Variants in NAA35 observed in about 807,000 individuals in gnomAD.
The protein encoded by NAA35 is MAK10 homolog, amino-acid N-acetyltransferase subunit.
Under a neutral mutation model 101.7 loss-of-function variants are expected in NAA35, and 18 were observed. That is an observed-to-expected ratio of 0.18 (90% CI 0.12 to 0.26). NAA35 has a LOEUF of 0.26. Among genes scored for constraint, NAA35 ranks in the 10% least tolerant of loss-of-function variants. The pLI, the probability that NAA35 is intolerant of heterozygous loss-of-function variation, is 1.00. For synonymous variants in NAA35, 267 were observed against 273.1 expected, an observed-to-expected ratio of 0.98 and a Z score of 0.22; for missense variants, 601 against 886.8, an observed-to-expected ratio of 0.68 and a Z score of 4.09.
At chr9:85,987,131 A>G (rs1830683624) in intron 11 of NAA35, 1 of 152,246 alleles carries the variant, frequency 6.6e-6, no homozygotes, top group African/African-American at 2.4e-5. Flanking sequence ...AGAGATAACT[A>G]AGAGGAAATG....
chr9:86,021,785 T>C, intron 22 of NAA35, 116 bp from the exon 23 acceptor site: 1 of 828,356 alleles, frequency 1.2e-6, no homozygotes, highest in South Asian at 1.7e-5. Flanking sequence ...TAAAATCTAT[T>C]TTGTGCTGCC....
chr9:85,943,310 A>G (rs547928332), intron 2 of NAA35, among the ~76,000 whole-genome samples: 18 of 152,320 alleles, frequency 1.2e-4, no homozygotes, highest in Admixed American at 3.3e-4. Context: ...ACACTGAGAC[A>G]GGAAGGACTG....
intron 2 of NAA35, among the ~76,000 whole-genome samples, chr9:85,942,510 G>T (rs1254758226): frequency 6.6e-6 from 1 of 152,134 alleles, no homozygotes; most frequent in Non-Finnish European, 1.5e-5. Flanking sequence ...AATTTTTCTT[G>T]CTTTAACAGG....
intron 6 of NAA35, among the ~76,000 whole-genome samples, chr9:85,972,036 T>TAA (rs1830020301): frequency 6.6e-6 from 1 of 152,192 alleles, no homozygotes; most frequent in Non-Finnish European, 1.5e-5. Flanking sequence ...ACTCTCTTGT[T>TAA]CTCACTTATC....
chr9:85,954,456 T>C (rs1007547632), intron 2 of NAA35, among the ~76,000 whole-genome samples: 1 of 152,226 alleles, frequency 6.6e-6, no homozygotes, highest in African/African-American at 2.4e-5. Flanking sequence ...CTACCAGCAG[T>C]GCACAAGGGT....
At chr9:85,961,050 CAGAG>C (rs929956860) in intron 5 of NAA35, among the ~76,000 whole-genome samples, 1 of 152,076 alleles carries the variant, frequency 6.6e-6, no homozygotes, top group African/African-American at 2.4e-5. Flanking sequence ...AAAGGATAAA[CAGAG>C]GGAGGATTTT....
At chr9:85,964,025 G>T (rs927230381) in intron 6 of NAA35, among the ~76,000 whole-genome samples, 12 of 151,714 alleles carry the variant, frequency 7.9e-5, no homozygotes, top group Non-Finnish European at 1.5e-4. Context: ...GCAAAGATTA[G>T]AAATTTTTTA....
At chr9:85,968,888 C>G (rs59806081) in intron 6 of NAA35, among the ~76,000 whole-genome samples, 12,721 of 152,178 alleles carry the variant, frequency 0.084, 1,767 homozygotes, top group African/African-American at 0.29. Flanking sequence ...TATTTCCCTT[C>G]TCATACAAAA....
intron 11 of NAA35, among the ~76,000 whole-genome samples, chr9:85,990,089 C>G (rs757842569): frequency 2.6e-5 from 4 of 152,204 alleles, no homozygotes; most frequent in Non-Finnish European, 4.4e-5. Context: ...TTTCAAGATT[C>G]ATGGTGCATG....
At chr9:85,992,188 A>T (rs1369759944) in intron 11 of NAA35, among the ~76,000 whole-genome samples, 1 of 142,304 alleles carries the variant, frequency 7.0e-6, no homozygotes, top group African/African-American at 2.5e-5. Context: ...AAAAAAAAAT[A>T]ATAAAAAATA....
intron 12 of NAA35, among the ~76,000 whole-genome samples, chr9:86,002,010 T>G (rs149951995): frequency 1.2e-4 from 19 of 152,292 alleles, no homozygotes; most frequent in Middle Eastern, 3.4e-3. Flanking sequence ...TAGTAGTCTT[T>G]CCTTTCTATA....
chr9:85,999,359 G>A (rs140845535), intron 12 of NAA35, among the ~76,000 whole-genome samples: 1 of 152,254 alleles, frequency 6.6e-6, no homozygotes, highest in African/African-American at 2.4e-5. Flanking sequence ...TAATTGCAAG[G>A]TCTTTAAGTA....
Position 85,978,254 on chromosome 9 carries a change from A to G in NAA35, c.763-13A>G. The G allele has an allele frequency of 4.6e-6, 7 of 1,512,182 alleles. No homozygotes were observed. The Middle Eastern group carries it at 5.1e-4, about 110-fold the overall frequency. The allele number at this position is 1,512,182 out of a possible 1,614,324, so 93.7% of individuals were successfully genotyped here. Reference sequence around the variant, plus strand: ...AGAATATGTAAGAATGTTTTTGGTGATTTATTTGCTAGACCAGTGCTGTTG... The same window carrying G: ...AGAATATGTAAGAATGTTTTTGGTGGTTTATTTGCTAGACCAGTGCTGTTG... On this transcript the variant is annotated splice_polypyrimidine_tract_variant and intron_variant, in intron 10 of 22. Coordinates refer to ENST00000361671, the MANE Select transcript of NAA35 (RefSeq NM_024635.4).
chr9:86,013,754 G>T lies in NAA35; in HGVS notation c.1425G>T (p.Leu475=), dbSNP rs1284280335. The T allele has an allele frequency of 1.9e-6, 3 of 1,614,106 alleles. No homozygotes were observed. Among genetic ancestry groups the T allele is most frequent in the Non-Finnish European group, 2.5e-6 (3 of 1,179,984 alleles). The change falls in exon 17 of 23, where the codon CTG becomes CTT. Residue 475 remains leucine, a synonymous_variant. Coordinates refer to ENST00000361671, the MANE Select transcript of NAA35 (RefSeq NM_024635.4). ...TTGATGCAGCGCTTCACACCATGCT[G>T]TTGAAACAGGAACCCCAAAGGCAAC... ...EKVDAALHTM[L]LKQEPQRQHL...
In NAA35 at chr9:85,941,193, G is replaced by T; in HGVS notation, c.-86G>T. 1 of 987,032 alleles carries T rather than the reference G, an allele frequency of 1.0e-6. No individual in the cohort carries two copies. Among genetic ancestry groups the T allele is most frequent in the Non-Finnish European group, 1.2e-6 (1 of 830,988 alleles). The allele number at this position is 987,032 out of a possible 1,614,324, so 61.1% of individuals were successfully genotyped here. A position where few individuals can be genotyped will look rare whatever the true frequency, so the allele number is the denominator to read the frequency against. On this transcript the variant is annotated 5_prime_UTR_variant, in exon 1 of 23. Coordinates refer to ENST00000361671, the MANE Select transcript of NAA35 (RefSeq NM_024635.4). ...GGTCGGGCTGGGCTGAGAGGGGAGG[G>T]GGCGGCGGCGGCCGAGGCGGCGTCG... is the stretch of plus-strand genomic sequence containing the variant.
intron 14 of NAA35, among the ~76,000 whole-genome samples, chr9:86,007,692 C>T (rs10868361): frequency 0.31 from 47,173 of 151,982 alleles, 9,625 homozygotes; most frequent in African/African-American, 0.59. Context: ...TTGTCTCCAG[C>T]GTAAGTCCTT....
chr9:86,003,432 A>G (rs1288456282), intron 12 of NAA35, among the ~76,000 whole-genome samples, 153 bp from the exon 13 acceptor site: 1 of 152,182 alleles, frequency 6.6e-6, no homozygotes, highest in East Asian at 1.9e-4. Context: ...ATATAATTAA[A>G]TAATTTCTAT....
chr9:85,963,356 C>T (rs1461544845), intron 6 of NAA35, among the ~76,000 whole-genome samples: 2 of 149,276 alleles, frequency 1.3e-5, no homozygotes, highest in African/African-American at 2.5e-5. Context: ...CTGCAACCTC[C>T]ATCTCCCGGG....
chr9:85,964,980 A>G (rs557781172), intron 6 of NAA35, among the ~76,000 whole-genome samples: 1 of 152,282 alleles, frequency 6.6e-6, no homozygotes, highest in Non-Finnish European at 1.5e-5. Flanking sequence ...GCCTGGACTA[A>G]TGTTTACTGT....
Sources: allele counts gnomAD v4.1 joint callset (sites outside exome capture counted in the v4.1 genomes callset), GRCh38; gene constraint gnomAD v4.1.1; transcripts MANE v1.5; gene names NCBI Gene and HGNC (gene_info 2026-07-23, HGNC 2026-07-21).